Variants in RALYL observed in about 807,000 individuals in gnomAD.
RALYL encodes RNA-binding Raly-like protein.
A neutral mutation model predicts 35.1 loss-of-function variants in RALYL; 29 were observed. The ratio of observed to expected loss-of-function variants is 0.83; its 90% CI spans 0.61 to 1.13. The LOEUF (loss-of-function observed/expected upper bound fraction) is 1.13. Ranked by LOEUF, RALYL falls within the 50% of genes most tolerant of loss-of-function variation. The pLI is 0.00. For synonymous variants in RALYL, 120 were observed against 127.6 expected (o/e 0.94, Z 0.40); for missense variants, 359 against 360.4 (o/e 1.00, Z 0.03).
chr8:84,554,776 C>T (rs945181916), intron 2 of RALYL, among the ~76,000 whole-genome samples: 1 of 152,160 alleles, frequency 6.6e-6, no homozygotes, highest in African/African-American at 2.4e-5. Flanking sequence ...ACGAATAATA[C>T]TATATAAATG....
chr8:84,885,997 G>T (rs1308639521), intron 7 of RALYL, among the ~76,000 whole-genome samples: 1 of 152,128 alleles, frequency 6.6e-6, no homozygotes, highest in Non-Finnish European at 1.5e-5. Flanking sequence ...TAAAGGACCT[G>T]CCCCGAACAA....
At chr8:84,308,232 A>T (rs1359916859) in intron 1 of RALYL, among the ~76,000 whole-genome samples, 3 of 152,216 alleles carry the variant, frequency 2.0e-5, no homozygotes, top group African/African-American at 4.8e-5. Flanking sequence ...AAATGTAGCC[A>T]TGTAGCAGAT....
At chr8:84,248,813 G>A (rs1426564012) in intron 1 of RALYL, among the ~76,000 whole-genome samples, 2 of 151,976 alleles carry the variant, frequency 1.3e-5, no homozygotes, top group African/African-American at 4.8e-5. Context: ...GTTTCATTTT[G>A]TGGAAGGATT....
At chr8:84,903,457 T>TC (rs2135581768) in intron 8 of RALYL, among the ~76,000 whole-genome samples, 1 of 152,150 alleles carries the variant, frequency 6.6e-6, no homozygotes, top group Non-Finnish European at 1.5e-5. Flanking sequence ...TACCTTAGTC[T>TC]CCTCACATTG....
intron 1 of RALYL, among the ~76,000 whole-genome samples, chr8:84,453,974 G>T (rs1227304182): frequency 6.6e-6 from 1 of 151,858 alleles, no homozygotes; most frequent in Non-Finnish European, 1.5e-5. Flanking sequence ...ATGAAAGGTG[G>T]GCAGATTTTA....
intron 2 of RALYL, among the ~76,000 whole-genome samples, chr8:84,576,073 G>A (rs1172395133): frequency 6.6e-6 from 1 of 152,014 alleles, no homozygotes; most frequent in African/African-American, 2.4e-5. Flanking sequence ...ATAGCCAATG[G>A]TCAATATTAA....
intron 1 of RALYL, among the ~76,000 whole-genome samples, chr8:84,394,134 T>C (rs1410802205): frequency 6.6e-6 from 1 of 152,096 alleles, no homozygotes; most frequent in East Asian, 1.9e-4. Flanking sequence ...ATGTTCCTTA[T>C]GTAACATGAT....
chr8:84,338,820 G>A (rs1848274688), intron 1 of RALYL, among the ~76,000 whole-genome samples: 1 of 152,044 alleles, frequency 6.6e-6, no homozygotes, highest in Non-Finnish European at 1.5e-5. Context: ...ACATGATAGT[G>A]ATAGCATCTT....
At chr8:84,774,830 C>A (rs996833898) in intron 3 of RALYL, among the ~76,000 whole-genome samples, 176 bp downstream of exon 3, 4 of 152,210 alleles carry the variant, frequency 2.6e-5, no homozygotes, top group Non-Finnish European at 5.9e-5. Context: ...GCAAGGATCT[C>A]AATGCCTAAC....
chr8:84,453,029 GAATT>G (rs1348812611), intron 1 of RALYL, among the ~76,000 whole-genome samples: 18 of 151,862 alleles, frequency 1.2e-4, no homozygotes, highest in Admixed American at 2.0e-4. Context: ...AGCTTTTAAA[GAATT>G]AATTAGACTA....
chr8:84,592,359 A>G (rs1290945190), intron 2 of RALYL, among the ~76,000 whole-genome samples: 1 of 152,140 alleles, frequency 6.6e-6, no homozygotes, highest in Admixed American at 6.6e-5. Context: ...CACTCTCTTC[A>G]GGAATAACCA....
chr8:84,517,448 C>G (rs139316127), intron 1 of RALYL, among the ~76,000 whole-genome samples: 12 of 152,300 alleles, frequency 7.9e-5, no homozygotes, highest in African/African-American at 2.6e-4. Flanking sequence ...TTAAAACACT[C>G]TCCAGCAATG....
rs56387511 is a variant in RALYL, at chr8:84,367,318, A to ATTTTT, written c.-23-161934_-23-161930dup. Reference sequence around the variant, plus strand: ...GCCATCCTGCCCAACTAATTTTTGTATTTTTTTTTTTTTTTTTTTTTTTTT... The same window carrying ATTTTT: ...GCCATCCTGCCCAACTAATTTTTGTATTTTTTTTTTTTTTTTTTTTTTTTTTTTTT... On this transcript the variant is annotated intron_variant, in intron 1 of 8. Coordinates refer to ENST00000521268, the MANE Select transcript of RALYL (RefSeq NM_173848.7). 8.0e-4 allele frequency among the ~76,000 whole-genome samples: 22 copies of ATTTTT among 27,408 alleles called. 7 individuals are homozygous for ATTTTT. Among genetic ancestry groups the ATTTTT allele is most frequent in the Admixed American group, 1.5e-3 (3 of 1,974 alleles). 18.0% of individuals were successfully genotyped at this position (27,408 alleles called of 152,430 possible). A position where few individuals can be genotyped will look rare whatever the true frequency, so the allele number is the denominator to read the frequency against.
At chr8:84,779,778 G>A (rs557542545) in intron 3 of RALYL, among the ~76,000 whole-genome samples, 20 of 152,216 alleles carry the variant, frequency 1.3e-4, no homozygotes, top group South Asian at 2.1e-4. Flanking sequence ...AAATATCTCC[G>A]GTGATTCATT....
At chr8:84,354,635 T>C (rs1429767231) in intron 1 of RALYL, among the ~76,000 whole-genome samples, 1 of 150,508 alleles carries the variant, frequency 6.6e-6, no homozygotes, top group East Asian at 1.9e-4. Context: ...TTCATTCTTA[T>C]ATAATTTAAG....
intron 2 of RALYL, among the ~76,000 whole-genome samples, chr8:84,680,008 C>T (rs558833049): frequency 5.3e-5 from 8 of 152,162 alleles, no homozygotes; most frequent in Admixed American, 2.0e-4. Flanking sequence ...CCACTCCCCC[C>T]ACCCCACGAC....
intron 1 of RALYL, 26 bp from the exon 2 acceptor site, chr8:84,529,273 T>G: frequency 6.5e-7 from 1 of 1,541,486 alleles, no homozygotes; most frequent in Non-Finnish European, 8.8e-7. Context: ...GATTATTTGT[T>G]TTGTTTGTTT....
At chr8:84,786,992 T>C (rs183366750) in intron 3 of RALYL, among the ~76,000 whole-genome samples, 27 of 152,310 alleles carry the variant, frequency 1.8e-4, no homozygotes, top group African/African-American at 6.0e-4. Context: ...GGTGGGAATA[T>C]AGATAAATTT....
At chr8:84,350,865 C>T (rs1447650573) in intron 1 of RALYL, among the ~76,000 whole-genome samples, 3 of 150,012 alleles carry the variant, frequency 2.0e-5, no homozygotes, top group African/African-American at 7.5e-5. Flanking sequence ...CTCCGAAGAG[C>T]TTTGCCAGCT....
Sources: gnomAD v4.1 joint callset for allele counts (sites outside exome capture counted in the v4.1 genomes callset) on GRCh38, gnomAD v4.1.1 for gene constraint, MANE v1.5 for transcripts, NCBI Gene and HGNC (gene_info 2026-07-23, HGNC 2026-07-21) for gene names.